The following ANKRD6 variants were observed in gnomAD, a reference collection of about 807,000 sequenced individuals.
The protein encoded by ANKRD6 is ankyrin repeat domain 6.
A neutral mutation model predicts 82.3 loss-of-function variants in ANKRD6; 56 were observed. The observed-to-expected ratio is 0.68, with a 90% confidence interval of 0.55 to 0.85. The LOEUF is 0.85. Among genes scored for constraint, ANKRD6 ranks in the 40% least tolerant of loss-of-function variants. ANKRD6 has a pLI of 0.00. For missense variants in ANKRD6, 852 were observed against 907.6 expected (o/e 0.94, Z 0.79); for synonymous variants, 347 against 352.1 (o/e 0.99, Z 0.16).
At chr6:89,615,815 A>C (rs1801433632) in intron 7 of ANKRD6, among the ~76,000 whole-genome samples, 1 of 152,232 alleles carries the variant, frequency 6.6e-6, no homozygotes, top group Non-Finnish European at 1.5e-5. Context: ...GTGTTTGGAA[A>C]ATGACAGCAT....
At chr6:89,617,457 T>C (rs1801873654) in intron 8 of ANKRD6, among the ~76,000 whole-genome samples, 1 of 152,244 alleles carries the variant, frequency 6.6e-6, no homozygotes, top group Non-Finnish European at 1.5e-5. Flanking sequence ...TAACTCGTAG[T>C]TGCTTTTCAT....
chr6:89,452,661 AT>A (rs919129715), intron 1 of ANKRD6, among the ~76,000 whole-genome samples: 295 of 150,780 alleles, frequency 2.0e-3, no homozygotes, highest in African/African-American at 5.9e-3. Flanking sequence ...TGGCCTGACA[AT>A]TTTTTTTTTC....
chr6:89,561,005 G>C (rs1351738536), intron 1 of ANKRD6: 2 of 152,180 alleles, frequency 1.3e-5, no homozygotes, highest in Non-Finnish European at 1.5e-5. Flanking sequence ...GGCTCTGGTG[G>C]TCTAGCAGTG....
chr6:89,525,528 G>A (rs1315592567), intron 1 of ANKRD6, among the ~76,000 whole-genome samples: 1 of 152,146 alleles, frequency 6.6e-6, no homozygotes, highest in Non-Finnish European at 1.5e-5. Flanking sequence ...AAGGATTATT[G>A]GCAATACATC....
Position 89,567,063 on chromosome 6 carries a change from C to T in ANKRD6, c.87C>T (p.Leu29=), listed in dbSNP as rs1440947213. 2 of 1,605,474 alleles carry T rather than the reference C, an allele frequency of 1.2e-6. No homozygotes were observed. The highest frequency in any genetic ancestry group is 1.7e-6 in the Non-Finnish European group (2 of 1,175,916). The change falls in exon 2 of 16, where the codon CTC becomes CTT. Residue 29 remains leucine (L), a synonymous_variant. Coordinates refer to ENST00000339746, the MANE Select transcript of ANKRD6 (RefSeq NM_001242809.2). ...GCCAAACAGAGAATGTGGTTCAGCT[C>T]ATCAACAAGGGCGCCAGGGTAGCGG... The part of the protein sequence containing the change: ...YKGQTENVVQ[L]INKGARVAVT...
chr6:89,592,288 C>T (rs1226317913), intron 2 of ANKRD6, among the ~76,000 whole-genome samples: 1 of 152,130 alleles, frequency 6.6e-6, no homozygotes, highest in Non-Finnish European at 1.5e-5. Context: ...GGGGTGTCCT[C>T]TGGGGTGGGG....
chr6:89,520,994 A>G (rs951633110), intron 1 of ANKRD6, among the ~76,000 whole-genome samples: 1 of 152,202 alleles, frequency 6.6e-6, no homozygotes, highest in African/African-American at 2.4e-5. Flanking sequence ...TCTAAAAAAG[A>G]AAAATAGTCT....
intron 1 of ANKRD6, among the ~76,000 whole-genome samples, chr6:89,484,501 A>G (rs980850526): frequency 6.6e-5 from 10 of 152,354 alleles, no homozygotes; most frequent in African/African-American, 1.2e-4. Context: ...GTTTTCCCAC[A>G]TAGGACTCAC....
At chr6:89,553,497 G>A (rs1175673133) in intron 1 of ANKRD6, among the ~76,000 whole-genome samples, 1 of 152,208 alleles carries the variant, frequency 6.6e-6, no homozygotes, top group Non-Finnish European at 1.5e-5. Context: ...TTTATGGGAA[G>A]CAAAGGCTTC....
intron 1 of ANKRD6, among the ~76,000 whole-genome samples, chr6:89,443,879 C>T (rs1260268390): frequency 2.0e-5 from 3 of 152,234 alleles, no homozygotes; most frequent in African/African-American, 7.2e-5. Flanking sequence ...GTAAGCTTGT[C>T]GTATAAATCA....
At chr6:89,577,150 G>A (rs1286417947) in intron 2 of ANKRD6, among the ~76,000 whole-genome samples, 1 of 151,784 alleles carries the variant, frequency 6.6e-6, no homozygotes, top group Admixed American at 6.6e-5. Context: ...CTCTTCCCAA[G>A]GTCCCTTTTT....
rs1175935836 is a variant in ANKRD6 at position 89,623,934 on chromosome 6, G to A, written c.1095G>A (p.Leu365=). The A allele has an allele frequency of 6.2e-7, 1 of 1,613,890 alleles. No individual in the cohort carries two copies. The highest frequency in any genetic ancestry group is 1.7e-5 in the Admixed American group (1 of 60,020). The change falls in exon 12 of 16, where the codon CTG becomes CTA. Residue 365 remains leucine (L), a synonymous_variant. Coordinates refer to ENST00000339746, the MANE Select transcript of ANKRD6 (RefSeq NM_001242809.2). The stretch of plus-strand genomic sequence containing the variant: ...AACAGCCTGGACACCAGAAGAACCT[G>A]CATGCTCATAATCACCCTAAAAAGA... ...ADQQPGHQKN[L]HAHNHPKKRN...
chr6:89,445,046 A>G (rs922958784), intron 1 of ANKRD6, among the ~76,000 whole-genome samples: 5 of 152,212 alleles, frequency 3.3e-5, no homozygotes, highest in African/African-American at 1.2e-4. Context: ...TATTTGATAT[A>G]TAGGCATAGC....
intron 2 of ANKRD6, among the ~76,000 whole-genome samples, chr6:89,582,498 A>T (rs1363230940): frequency 6.6e-6 from 1 of 152,088 alleles, no homozygotes; most frequent in Non-Finnish European, 1.5e-5. Flanking sequence ...GCCCCGTCTT[A>T]ATTATTTTCA....
At chr6:89,517,560 A>C (rs1008179005) in intron 1 of ANKRD6, among the ~76,000 whole-genome samples, 1 of 152,236 alleles carries the variant, frequency 6.6e-6, no homozygotes, top group Non-Finnish European at 1.5e-5. Flanking sequence ...TTAAAAACAT[A>C]AGAGTGGGGA....
chr6:89,617,581 C>G (rs1801905791), intron 8 of ANKRD6, among the ~76,000 whole-genome samples: 1 of 152,208 alleles, frequency 6.6e-6, no homozygotes, highest in Non-Finnish European at 1.5e-5. Flanking sequence ...TGTGGTGTTT[C>G]CCCAACTGAA....
intron 1 of ANKRD6, among the ~76,000 whole-genome samples, chr6:89,464,324 A>C (rs1317156151): frequency 6.6e-6 from 1 of 152,194 alleles, no homozygotes; most frequent in Non-Finnish European, 1.5e-5. Context: ...AAAAGAATTA[A>C]CAGATGGTTA....
chr6:89,623,647 C>T, intron 11 of ANKRD6, 103 bp downstream of exon 11: 1 of 1,474,882 alleles, frequency 6.8e-7, no homozygotes, highest in Non-Finnish European at 9.0e-7. Flanking sequence ...ACTCACTTGG[C>T]TGGCTGGTTT....
At chr6:89,438,774 C>T (rs1488339358) in intron 1 of ANKRD6, among the ~76,000 whole-genome samples, 1 of 152,150 alleles carries the variant, frequency 6.6e-6, no homozygotes, top group African/African-American at 2.4e-5. Context: ...TCCTGAGTAG[C>T]TAGGATTACA....
Sources: allele counts gnomAD v4.1 joint callset (sites outside exome capture counted in the v4.1 genomes callset), GRCh38; gene constraint gnomAD v4.1.1; transcripts MANE v1.5; gene names NCBI Gene and HGNC (gene_info 2026-07-23, HGNC 2026-07-21).